The following MARVELD2 variants were observed in gnomAD, a reference collection of about 807,000 sequenced individuals.
The protein encoded by MARVELD2 is MARVEL domain-containing protein 2.
Under a neutral mutation model 57.6 loss-of-function variants are expected in MARVELD2, and 49 were observed. The observed-to-expected ratio is 0.85, with a 90% CI of 0.68 to 1.08. The LOEUF (loss-of-function observed/expected upper bound fraction) is 1.08. Among genes scored for constraint, MARVELD2 ranks in the 50% least tolerant of loss-of-function variants. The pLI, the probability that MARVELD2 is intolerant of heterozygous loss-of-function variation, is 0.00. For synonymous variants in MARVELD2, 238 were observed against 258.8 expected (o/e 0.92, Z 0.77); for missense variants, 606 against 701.1 (o/e 0.86, Z 1.53).
At chr5:69,440,703 G>C (rs1767300931) in intron 6 of MARVELD2, among the ~76,000 whole-genome samples, 1 of 152,172 alleles carries the variant, frequency 6.6e-6, no homozygotes, top group Non-Finnish European at 1.5e-5. Context: ...GCAACCTAGA[G>C]AAATGAGCAT....
At position 69,420,362 on chromosome 5, in the gene MARVELD2, T is replaced by G. The variant is rs753944684; in HGVS notation, c.977T>G (p.Phe326Cys). 8.1e-6 allele frequency: 13 copies of G among 1,614,090 alleles called. No homozygotes were observed. In the Admixed American group the frequency reaches 1.0e-4, roughly 12 times the overall value. The change falls in exon 2 of 7, where the codon TTT becomes TGT. Residue 326 changes from phenylalanine to cysteine, a missense_variant. Transcript: ENST00000325631. Reference protein sequence around the residue: ...NRGGLCYYPLFNTPVNAVFCR... With the variant: ...NRGGLCYYPLCNTPVNAVFCR... ...GGTGGCCTCTGCTACTATCCGTTAT[T>G]TAATACACCAGTGAATGCAGTGTTC...
chr5:69,435,471 T>C (rs1418904978), intron 5 of MARVELD2, among the ~76,000 whole-genome samples: 2 of 151,696 alleles, frequency 1.3e-5, no homozygotes, highest in Non-Finnish European at 2.9e-5. Flanking sequence ...AACCCTATAT[T>C]GGCTGGGTGT....
chr5:69,425,604 T>G (rs1022607926), intron 3 of MARVELD2, among the ~76,000 whole-genome samples: 1 of 151,726 alleles, frequency 6.6e-6, no homozygotes, highest in Admixed American at 6.6e-5. Flanking sequence ...ATGAAAGTGA[T>G]TCTCTGAAAC....
At chr5:69,423,704 C>T (rs1277849164) in intron 2 of MARVELD2, among the ~76,000 whole-genome samples, 1 of 152,056 alleles carries the variant, frequency 6.6e-6, no homozygotes, top group African/African-American at 2.4e-5. Context: ...AACTCCTGGC[C>T]TCAAGCAATC....
intron 5 of MARVELD2, among the ~76,000 whole-genome samples, chr5:69,434,152 G>A (rs1025869659): frequency 2.0e-5 from 3 of 151,984 alleles, no homozygotes; most frequent in Admixed American, 6.6e-5. Context: ...AAGGCAGAGC[G>A]CCCACTGAGT....
At chr5:69,431,111 TC>T (rs1309986011) in intron 3 of MARVELD2, among the ~76,000 whole-genome samples, 7 of 149,128 alleles carry the variant, frequency 4.7e-5, no homozygotes, top group Non-Finnish European at 1.0e-4. Context: ...TCACTTCTTT[TC>T]TTTTCTTTTT....
chr5:69,419,031 G>A (rs1037410791), intron 1 of MARVELD2: 1 of 275,046 alleles, frequency 3.6e-6, no homozygotes, highest in Admixed American at 4.7e-5. Context: ...GGGTTCAAGC[G>A]GTCTATACCT....
intron 3 of MARVELD2, 111 bp downstream of exon 3, chr5:69,424,747 A>G (rs1404359972): frequency 1.1e-6 from 1 of 882,532 alleles, no homozygotes; most frequent in South Asian, 1.4e-5. Context: ...GCTATTGGCC[A>G]GGTGTGGTGG....
chr5:69,419,181 C>A, intron 1 of MARVELD2, 190 bp from the exon 2 acceptor site: 2 of 653,878 alleles, frequency 3.1e-6, no homozygotes, highest in Non-Finnish European at 5.3e-6. Context: ...CTGTCTTGGC[C>A]TCCCAAAGTG....
intron 3 of MARVELD2, among the ~76,000 whole-genome samples, chr5:69,430,325 C>T (rs1580486699): frequency 1.3e-5 from 2 of 151,954 alleles, no homozygotes; most frequent in East Asian, 3.9e-4. Flanking sequence ...CGAGATCGTG[C>T]CACTGCACTC....
chr5:69,441,440 A>G, intron 6 of MARVELD2, 92 bp from the exon 7 acceptor site: 3 of 1,453,170 alleles, frequency 2.1e-6, no homozygotes, highest in Non-Finnish European at 2.8e-6. Context: ...GACTTTTGCT[A>G]TGTATGATCA....
chr5:69,436,450 C>T (rs1465781160), intron 5 of MARVELD2, among the ~76,000 whole-genome samples: 1 of 93,020 alleles, frequency 1.1e-5, no homozygotes, highest in Non-Finnish European at 2.4e-5. Context: ...CACACACACA[C>T]ACATATATAT....
intron 3 of MARVELD2, among the ~76,000 whole-genome samples, chr5:69,426,196 C>T (rs1766786552): frequency 6.6e-6 from 1 of 151,480 alleles, no homozygotes; most frequent in African/African-American, 2.4e-5. Flanking sequence ...TCATACCTCG[C>T]AAGTTTGCTG....
At chr5:69,423,609 A>G (rs1734976811) in intron 2 of MARVELD2, among the ~76,000 whole-genome samples, 1 of 152,006 alleles carries the variant, frequency 6.6e-6, no homozygotes. Context: ...AAGGACTTTG[A>G]CATGTGTCCA....
rs1767389994 is a variant in MARVELD2 at position 69,443,695 on chromosome 5, C to T, written c.*2041C>T. On this transcript the variant is annotated 3_prime_UTR_variant, in exon 7 of 7. Transcript: ENST00000325631. ...GCATTACAGCTTCTGACTAATATAGCTGCCATTCAGACAATTAATGTTCAA... is the reference window on the plus strand; with the variant it reads ...GCATTACAGCTTCTGACTAATATAGTTGCCATTCAGACAATTAATGTTCAA... 6.6e-6 allele frequency: 1 copy of T among 152,014 alleles called. No homozygotes were observed. The highest frequency in any genetic ancestry group is 1.5e-5 in the Non-Finnish European group (1 of 68,018). 9.4% of individuals were successfully genotyped at this position (152,014 alleles called of 1,614,324 possible).
In MARVELD2 at chr5:69,440,466, C is replaced by A. The variant is rs1237224143; in HGVS notation, c.1520C>A (p.Ser507Ter). The stretch of plus-strand genomic sequence containing the variant: ...TATTTTTAGGAACATGAGAGAATTT[C>A]AAGAATCCATGAAGAGTTTAAGAAA... ...SESRQEHERI[S>*]RIHEEFKKKK... Residue 507 changes from serine (S) to a stop codon, truncating the protein, a stop_gained, in exon 6 of 7, where the codon TCA becomes TAA. Coordinates refer to ENST00000325631, the MANE Select transcript of MARVELD2 (RefSeq NM_001038603.3). LOFTEE classifies it high-confidence loss of function. 2.8e-6 allele frequency: 4 copies of A among 1,435,424 alleles called. No individual in the cohort carries two copies. The highest frequency in any genetic ancestry group is 3.9e-6 in the Non-Finnish European group (4 of 1,022,254). The allele number at this position is 1,435,424 out of a possible 1,614,324, so 88.9% of individuals were successfully genotyped here.
chr5:69,419,847 T>C lies in MARVELD2; in HGVS notation c.462T>C (p.Phe154=), dbSNP rs1469083743. 1 of 1,614,112 alleles carries C rather than the reference T, an allele frequency of 6.2e-7. No individual in the cohort carries two copies. The highest frequency in any genetic ancestry group is 1.1e-5 in the South Asian group (1 of 91,076). ...CCCGGAAAGAGGCTGACGCAGTGTT[T>C]CCCCGGGATCCCTATGGATCTCTAG... ...FSSRKEADAV[F]PRDPYGSLDR... The change falls in exon 2 of 7, where the codon TTT becomes TTC. Residue 154 remains phenylalanine, a synonymous_variant. Transcript: ENST00000325631.
chr5:69,431,151 G>T (rs1214182936), intron 3 of MARVELD2, among the ~76,000 whole-genome samples: 2 of 146,828 alleles, frequency 1.4e-5, no homozygotes, highest in East Asian at 2.0e-4. Flanking sequence ...GTCTCACTCT[G>T]TTGCCCAGGC....
chr5:69,441,231 C>T lies in MARVELD2; in HGVS notation c.1555-301C>T, dbSNP rs192676646. 1.1e-4 allele frequency among the ~76,000 whole-genome samples: 16 copies of T among 152,136 alleles called. No individual in the cohort carries two copies. In the East Asian group the frequency reaches 2.9e-3, roughly 28 times the overall value. ...ACCTGGGCTCAAGCAATCCTTCCACCTCAGCCTCCTGAGTTGCTGGGACTA... is the reference window on the plus strand; with the variant it reads ...ACCTGGGCTCAAGCAATCCTTCCACTTCAGCCTCCTGAGTTGCTGGGACTA... On this transcript the variant is annotated intron_variant, in intron 6 of 6. Transcript: ENST00000325631.
Sources: gnomAD v4.1 joint callset for allele counts (sites outside exome capture counted in the v4.1 genomes callset) on GRCh38, gnomAD v4.1.1 for gene constraint, MANE v1.5 for transcripts, NCBI Gene and HGNC (gene_info 2026-07-23, HGNC 2026-07-21) for gene names.